Variants in TASP1 observed in about 807,000 individuals in gnomAD.
TASP1 encodes taspase 1.
A neutral mutation model predicts 56.6 loss-of-function variants in TASP1; 16 were observed. The observed-to-expected ratio is 0.28, with a 90% confidence interval of 0.19 to 0.43. TASP1 has a LOEUF of 0.43. Among genes scored for constraint, TASP1 ranks in the 20% least tolerant of loss-of-function variants. TASP1 has a pLI of 1.00. For missense variants in TASP1, 393 were observed against 511.6 expected (o/e 0.77, Z 2.24); for synonymous variants, 179 against 184.2 (o/e 0.97, Z 0.23).
the TASP1 span, among the ~76,000 whole-genome samples, chr20:13,124,993 G>A: frequency 2.0e-5 from 3 of 152,222 alleles, no homozygotes; most frequent in African/African-American, 7.2e-5. Flanking sequence ...TTATTCTAAA[G>A]AGAAGGCATC....
the TASP1 span, among the ~76,000 whole-genome samples, chr20:13,131,530 C>A: frequency 2.6e-5 from 4 of 152,340 alleles, no homozygotes; most frequent in South Asian, 4.1e-4. Context: ...TATTCCCTTA[C>A]TTCTGCAAAT....
At chr20:13,315,693 T>A in the TASP1 span, among the ~76,000 whole-genome samples, 6 of 151,934 alleles carry the variant, frequency 3.9e-5, no homozygotes, top group African/African-American at 1.4e-4. Context: ...AACAGCAGAA[T>A]ACACTTTCTT....
chr20:13,523,057 A>G (rs2044827646), intron 10 of TASP1, among the ~76,000 whole-genome samples: 1 of 152,122 alleles, frequency 6.6e-6, no homozygotes, highest in Non-Finnish European at 1.5e-5. Flanking sequence ...GGCGTGGTAG[A>G]GGAGAAGTCC....
chr20:13,224,060 A>G, the TASP1 span, among the ~76,000 whole-genome samples: 9 of 152,070 alleles, frequency 5.9e-5, 1 homozygote. Flanking sequence ...CCCCAAGAGG[A>G]CACAACAAAT....
At chr20:13,481,741 A>C (rs2043148774) in intron 11 of TASP1, among the ~76,000 whole-genome samples, 1 of 152,092 alleles carries the variant, frequency 6.6e-6, no homozygotes, top group Non-Finnish European at 1.5e-5. Flanking sequence ...TGTCTGTTCA[A>C]ATCTTTTGCC....
At chr20:13,609,635 C>T (rs926010129) in intron 4 of TASP1, among the ~76,000 whole-genome samples, 1 of 146,240 alleles carries the variant, frequency 6.8e-6, no homozygotes, top group Non-Finnish European at 1.5e-5. Flanking sequence ...TTGCAGTGAG[C>T]TGAGACGGCG....
chr20:13,301,696 A>AT, the TASP1 span, among the ~76,000 whole-genome samples: 9 of 151,866 alleles, frequency 5.9e-5, no homozygotes, highest in East Asian at 3.9e-4. Context: ...TAATGAGGAA[A>AT]TTTTTTTTGC....
the TASP1 span, among the ~76,000 whole-genome samples, chr20:13,332,215 G>GT: frequency 1.3e-5 from 2 of 152,152 alleles, no homozygotes; most frequent in Admixed American, 1.3e-4. Flanking sequence ...ATCCATACAT[G>GT]TGTGTTGGGC....
intron 10 of TASP1, among the ~76,000 whole-genome samples, chr20:13,520,528 T>C (rs941496762): frequency 2.6e-5 from 4 of 152,200 alleles, no homozygotes; most frequent in African/African-American, 9.7e-5. Flanking sequence ...GGGGAAACGA[T>C]TCCCTATTTA....
chr20:13,177,306 G>A, the TASP1 span, among the ~76,000 whole-genome samples: 8 of 151,984 alleles, frequency 5.3e-5, no homozygotes, highest in South Asian at 1.7e-3. Context: ...TCATGGATTG[G>A]AAGAATTAAT....
intron 13 of TASP1, among the ~76,000 whole-genome samples, chr20:13,401,166 AT>A (rs1369467759): frequency 6.6e-6 from 1 of 152,224 alleles, no homozygotes; most frequent in Non-Finnish European, 1.5e-5. Context: ...GGAGAAAACA[AT>A]CCAGAACTTA....
At chr20:13,428,088 G>A (rs948795759) in intron 12 of TASP1, among the ~76,000 whole-genome samples, 1 of 152,136 alleles carries the variant, frequency 6.6e-6, no homozygotes, top group African/African-American at 2.4e-5. Context: ...TTACTTCTAA[G>A]AGCCCATATG....
At chr20:13,200,274 T>G in the TASP1 span, among the ~76,000 whole-genome samples, 1 of 152,222 alleles carries the variant, frequency 6.6e-6, no homozygotes, top group Non-Finnish European at 1.5e-5. Flanking sequence ...TGGGTCTCCC[T>G]TTGAGCACCA....
chr20:13,594,514 T>A lies in TASP1; in HGVS notation c.283-7144A>T, dbSNP rs568622362. On this transcript the variant is annotated intron_variant, in intron 4 of 13. Coordinates refer to ENST00000337743, the MANE Select transcript of TASP1 (RefSeq NM_017714.3). ...ACAAATGGCTAACTAGAATAAACAGTGTAGAAAAGACCTTAAATGACCTGA... is the reference window on the plus strand; with the variant it reads ...ACAAATGGCTAACTAGAATAAACAGAGTAGAAAAGACCTTAAATGACCTGA... 3.2e-3 allele frequency among the ~76,000 whole-genome samples: 480 copies of A among 152,174 alleles called. 1 individual carries two copies. Among genetic ancestry groups the A allele is most frequent in the Non-Finnish European group, 5.3e-3 (361 of 68,002 alleles).
chr20:13,580,457 TAAAAC>T (rs2047080069), intron 6 of TASP1, among the ~76,000 whole-genome samples: 1 of 150,098 alleles, frequency 6.7e-6, no homozygotes, highest in Non-Finnish European at 1.5e-5. Flanking sequence ...AAAAATAAAA[TAAAAC>T]AAAATAAAAA....
the TASP1 span, among the ~76,000 whole-genome samples, chr20:13,130,505 A>G: frequency 6.6e-6 from 1 of 152,276 alleles, no homozygotes; most frequent in Non-Finnish European, 1.5e-5. Flanking sequence ...CTACAGGAAT[A>G]AGGTCAGTGT....
intron 13 of TASP1, among the ~76,000 whole-genome samples, chr20:13,398,507 G>C (rs2041626367): frequency 6.6e-6 from 1 of 152,184 alleles, no homozygotes; most frequent in Admixed American, 6.5e-5. Context: ...GCATTCAAAA[G>C]ACCTGTGTGA....
chr20:13,523,302 A>G (rs1337361149), intron 10 of TASP1, among the ~76,000 whole-genome samples: 1 of 152,148 alleles, frequency 6.6e-6, no homozygotes, highest in Non-Finnish European at 1.5e-5. Flanking sequence ...GCTAAATAGA[A>G]GCTGAAGCAT....
the TASP1 span, among the ~76,000 whole-genome samples, chr20:13,212,280 T>C: frequency 6.6e-6 from 1 of 152,192 alleles, no homozygotes; most frequent in African/African-American, 2.4e-5. Context: ...CAGCCACTAA[T>C]TAGGAGCCTG....
Sources: gnomAD v4.1 joint callset for allele counts (sites outside exome capture counted in the v4.1 genomes callset) on GRCh38, gnomAD v4.1.1 for gene constraint, MANE v1.5 for transcripts, NCBI Gene and HGNC (gene_info 2026-07-23, HGNC 2026-07-21) for gene names.